Variants in FBXO28 observed in about 807,000 individuals in gnomAD.
FBXO28 encodes F-box only protein 28.
In FBXO28, 8 loss-of-function variants were observed where a neutral mutation model predicts 38.1. The observed-to-expected ratio is 0.21, with a 90% confidence interval of 0.12 to 0.38. The LOEUF is 0.38. FBXO28 is among the 10% of genes least tolerant of loss of function. The pLI, the probability that FBXO28 is intolerant of heterozygous loss-of-function variation, is 1.00. For synonymous variants in FBXO28, 168 were observed against 173.8 expected, an observed-to-expected ratio of 0.97 and a Z score of 0.26; for missense variants, 345 against 460.6, an observed-to-expected ratio of 0.75 and a Z score of 2.30.
At chr1:224,147,651 G>A (rs1424774518) in intron 3 of FBXO28, among the ~76,000 whole-genome samples, 1 of 151,840 alleles carries the variant, frequency 6.6e-6, no homozygotes, top group Non-Finnish European at 1.5e-5. Context: ...AACCCCTGAG[G>A]ATGCGGAGGG....
intron 3 of FBXO28, among the ~76,000 whole-genome samples, chr1:224,137,628 A>G (rs1286912812): frequency 6.6e-6 from 1 of 151,940 alleles, no homozygotes; most frequent in Non-Finnish European, 1.5e-5. Context: ...AAGTAGAGAA[A>G]CAAATGGTAA....
chr1:224,125,524 A>G (rs1656883663), intron 1 of FBXO28, among the ~76,000 whole-genome samples: 1 of 152,180 alleles, frequency 6.6e-6, no homozygotes, highest in South Asian at 2.1e-4. Context: ...TAGCGCTTGC[A>G]GAAAATGACC....
chr1:224,142,935 C>T (rs1371446278), intron 3 of FBXO28, among the ~76,000 whole-genome samples: 3 of 148,650 alleles, frequency 2.0e-5, no homozygotes, highest in Non-Finnish European at 3.0e-5. Flanking sequence ...GACAGAAAGA[C>T]ACTCTGTCAT....
intron 3 of FBXO28, among the ~76,000 whole-genome samples, chr1:224,136,194 C>G (rs974868516): frequency 7.1e-6 from 1 of 141,538 alleles, no homozygotes; most frequent in Non-Finnish European, 1.5e-5. Flanking sequence ...ACCTCTGCCT[C>G]CCGGTACAGG....
intron 1 of FBXO28, among the ~76,000 whole-genome samples, chr1:224,123,788 TAAATAAAAATTTTTGTAA>T (rs1313057386): frequency 4.6e-5 from 7 of 152,282 alleles, no homozygotes; most frequent in Non-Finnish European, 1.0e-4. Flanking sequence ...AAGACTTAAA[TAAATAAAAATTTTTGTAA>T]AACAATCAGT....
intron 1 of FBXO28, among the ~76,000 whole-genome samples, chr1:224,128,691 A>C (rs1656961710): frequency 6.6e-6 from 1 of 152,116 alleles, no homozygotes; most frequent in Non-Finnish European, 1.5e-5. Context: ...TTACTGTATA[A>C]AAACACCATA....
rs1351616615 is a variant in FBXO28, at chr1:224,157,862, CAACTT to C, written c.*119_*123del. 1.9e-5 allele frequency: 28 copies of C among 1,448,244 alleles called. No homozygotes were observed. The East Asian group carries it at 4.9e-4, about 26-fold the overall frequency. 89.7% of individuals were successfully genotyped at this position (1,448,244 alleles called of 1,614,324 possible). On this transcript the variant is annotated 3_prime_UTR_variant, in exon 5 of 5. Transcript: ENST00000366862. ...CTTAAGCTTCTAGGCTTTCAGAACA[CAACTT>C]AAACTTGAACTCTTATGGTTGGGAC...
intron 3 of FBXO28, among the ~76,000 whole-genome samples, chr1:224,144,158 A>AC (rs1320630871): frequency 6.6e-6 from 1 of 151,032 alleles, no homozygotes; most frequent in Non-Finnish European, 1.5e-5. Context: ...TGTCTCAAAA[A>AC]AAAAAAAAAG....
chr1:224,129,282 G>T (rs941156465), intron 1 of FBXO28, among the ~76,000 whole-genome samples: 20 of 152,312 alleles, frequency 1.3e-4, no homozygotes, highest in African/African-American at 3.6e-4. Context: ...ACAGGTTGCA[G>T]TGAGCTGAGA....
intron 3 of FBXO28, among the ~76,000 whole-genome samples, chr1:224,147,414 CTG>C (rs1340071444): frequency 3.2e-5 from 2 of 62,180 alleles, no homozygotes; most frequent in East Asian, 5.0e-4. Context: ...CAGAGCGAGA[CTG>C]TGTCAAAAAA....
chr1:224,127,846 G>A (rs918344209), intron 1 of FBXO28, among the ~76,000 whole-genome samples: 1 of 152,166 alleles, frequency 6.6e-6, no homozygotes, highest in African/African-American at 2.4e-5. Flanking sequence ...GAGGGAGGTT[G>A]CAGTGAACCA....
At chr1:224,126,246 A>G (rs1033578129) in intron 1 of FBXO28, among the ~76,000 whole-genome samples, 1 of 152,178 alleles carries the variant, frequency 6.6e-6, no homozygotes, top group Non-Finnish European at 1.5e-5. Flanking sequence ...ATTCGAGTTT[A>G]TAGATTATTG....
intron 3 of FBXO28, among the ~76,000 whole-genome samples, chr1:224,135,506 C>T (rs950716289): frequency 6.7e-6 from 1 of 148,154 alleles, no homozygotes; most frequent in South Asian, 2.1e-4. Flanking sequence ...CAGATACTTG[C>T]AAGGCTGAGG....
chr1:224,139,301 T>G (rs942775959), intron 3 of FBXO28, among the ~76,000 whole-genome samples: 7 of 151,856 alleles, frequency 4.6e-5, no homozygotes, highest in Admixed American at 2.0e-4. Context: ...ATTTTTTTAT[T>G]CTTTTTTTTG....
At chr1:224,142,071 G>T (rs1312812747) in intron 3 of FBXO28, among the ~76,000 whole-genome samples, 1 of 151,150 alleles carries the variant, frequency 6.6e-6, no homozygotes, top group African/African-American at 2.4e-5. Flanking sequence ...AATTTTTGGG[G>T]CCAGGCATGG....
At chr1:224,138,646 C>G (rs6688818) in intron 3 of FBXO28, among the ~76,000 whole-genome samples, 1 of 151,564 alleles carries the variant, frequency 6.6e-6, no homozygotes, top group Non-Finnish European at 1.5e-5. Flanking sequence ...GACACACAAC[C>G]GTATGTGAGC....
intron 3 of FBXO28, among the ~76,000 whole-genome samples, chr1:224,141,470 CAAA>C (rs35142896): frequency 1.3e-4 from 17 of 126,144 alleles, no homozygotes; most frequent in Non-Finnish European, 1.2e-4. Flanking sequence ...GACTGTGTCT[CAAA>C]AAAAAAAAAA....
At chr1:224,118,337 A>G (rs1412579012) in intron 1 of FBXO28, among the ~76,000 whole-genome samples, 1 of 152,184 alleles carries the variant, frequency 6.6e-6, no homozygotes, top group Admixed American at 6.5e-5. Flanking sequence ...ACTGCATTAT[A>G]TAATTTTACC....
rs139820639 is a variant in FBXO28, at chr1:224,157,995, A to AC, written c.*250dup. On this transcript the variant is annotated 3_prime_UTR_variant, in exon 5 of 5. Transcript: ENST00000366862. ...TGTTCTATCATGTTTTGAGGAGTTA[A>AC]CTTTTTTCTGTGCAGATAATGTTGA... 0.01 allele frequency: 12,351 copies of AC among 1,234,524 alleles called. 103 individuals are homozygous for AC. The highest frequency in any genetic ancestry group is 0.031 in the African/African-American group (2,040 of 64,990). 76.5% of individuals were successfully genotyped at this position (1,234,524 alleles called of 1,614,324 possible).
Sources: allele counts gnomAD v4.1 joint callset (sites outside exome capture counted in the v4.1 genomes callset), GRCh38; gene constraint gnomAD v4.1.1; transcripts MANE v1.5; gene names NCBI Gene and HGNC (gene_info 2026-07-23, HGNC 2026-07-21).